Variants in C6 observed in about 807,000 individuals in gnomAD.
The protein encoded by C6 is complement component C6.
C6 carries 101 observed loss-of-function variants against 112.9 expected under a neutral mutation model. That is an observed-to-expected ratio of 0.89 (90% CI 0.76 to 1.06). The LOEUF is 1.06. Ranked by LOEUF, C6 falls within the 50% of genes least tolerant of loss-of-function variation. The probability of loss-of-function intolerance (pLI) is 0.00; values close to 1 mark genes in which losing one functional copy is unlikely to be tolerated. For missense variants in C6, 1,202 were observed against 1,104.6 expected, an observed-to-expected ratio of 1.09 and a Z score of -1.25; for synonymous variants, 431 against 384.1, an observed-to-expected ratio of 1.12 and a Z score of -1.43.
rs180978681 is a variant in C6 at position 41,210,470 on chromosome 5, C to T, written c.-21+2906G>A. Among the ~76,000 whole-genome samples, 140 of 152,090 alleles carry T rather than the reference C, an allele frequency of 9.2e-4. No individual in the cohort carries two copies. The East Asian group carries it at 0.021, about 23-fold the overall frequency. On this transcript the variant is annotated intron_variant, in intron 1 of 17. Coordinates refer to ENST00000337836, the MANE Select transcript of C6 (RefSeq NM_000065.5). ...AGAAAATTTTTGCAATCTACCCATCCGACAAAGGGCTAATATCCAGAATCT... is the reference window on the plus strand; with the variant it reads ...AGAAAATTTTTGCAATCTACCCATCTGACAAAGGGCTAATATCCAGAATCT...
At chr5:41,215,107 A>G (rs944655471), upstream of C6, among the ~76,000 whole-genome samples, 1 of 152,160 alleles carries the variant, frequency 6.6e-6, no homozygotes, top group Non-Finnish European at 1.5e-5. Context: ...TTTCTAGAGC[A>G]GGGATTGGTA....
intron 5 of C6, among the ~76,000 whole-genome samples, chr5:41,190,100 G>A (rs1256903988): frequency 2.0e-5 from 3 of 152,106 alleles, no homozygotes; most frequent in Non-Finnish European, 1.5e-5. Context: ...TCAGTATACC[G>A]ATTTCCTTTG....
At chr5:41,195,000 A>G (rs1013559257) in intron 5 of C6, among the ~76,000 whole-genome samples, 2 of 152,124 alleles carry the variant, frequency 1.3e-5, no homozygotes, top group Admixed American at 6.5e-5. Context: ...TGAAGTCTGG[A>G]TTTGAATCCT....
At chr5:41,200,896 T>G (rs866441779) in intron 3 of C6, among the ~76,000 whole-genome samples, 33 of 32,384 alleles carry the variant, frequency 1.0e-3, no homozygotes, top group Admixed American at 2.7e-3. Context: ...TTGTTGTTTT[T>G]TTTTTTTTTT....
intron 8 of C6, among the ~76,000 whole-genome samples, chr5:41,175,966 C>T (rs962081520): frequency 2.0e-5 from 3 of 152,190 alleles, no homozygotes; most frequent in African/African-American, 7.2e-5. Flanking sequence ...AGCTTAGTCG[C>T]TTGTCAAGTT....
At chr5:41,243,422 T>C (rs1740846733) in intron 1 of C6, among the ~76,000 whole-genome samples, 2 of 152,242 alleles carry the variant, frequency 1.3e-5, no homozygotes, top group Admixed American at 1.3e-4. Flanking sequence ...TTTGTTATGT[T>C]AAAAAATTTT....
At chr5:41,143,520 A>T (rs1007630058) in intron 17 of C6, among the ~76,000 whole-genome samples, 4 of 152,246 alleles carry the variant, frequency 2.6e-5, no homozygotes, top group Admixed American at 1.3e-4. Flanking sequence ...TAGAGCATGT[A>T]CTGTGAAGCC....
chr5:41,245,225 T>A (rs984991151), intron 1 of C6, among the ~76,000 whole-genome samples: 1 of 152,160 alleles, frequency 6.6e-6, no homozygotes, highest in African/African-American at 2.4e-5. Flanking sequence ...CATTGGCATT[T>A]TTTTCTTCCT....
chr5:41,248,948 A>G (rs577252708), intron 1 of C6, among the ~76,000 whole-genome samples: 1 of 152,270 alleles, frequency 6.6e-6, no homozygotes, highest in African/African-American at 2.4e-5. Context: ...ATTGGTATAT[A>G]TACACTGTGG....
At chr5:41,166,142 A>G (rs1195786242) in intron 9 of C6, among the ~76,000 whole-genome samples, 1 of 152,136 alleles carries the variant, frequency 6.6e-6, no homozygotes, top group Non-Finnish European at 1.5e-5. Context: ...AAGTTTTTCA[A>G]TTTAAAGATG....
intron 7 of C6, among the ~76,000 whole-genome samples, chr5:41,178,739 G>A (rs192591259): frequency 7.2e-5 from 11 of 152,122 alleles, no homozygotes; most frequent in Non-Finnish European, 1.2e-4. Flanking sequence ...GTCCTCCAAA[G>A]TTCTGGGATT....
chr5:41,243,230 C>T (rs960258537), intron 1 of C6, among the ~76,000 whole-genome samples: 4 of 152,088 alleles, frequency 2.6e-5, no homozygotes, highest in Non-Finnish European at 5.9e-5. Context: ...TTTAATTATT[C>T]CACATTGTAT....
intron 9 of C6, among the ~76,000 whole-genome samples, chr5:41,171,682 T>A (rs1748434239): frequency 1.3e-5 from 2 of 152,122 alleles, no homozygotes; most frequent in Non-Finnish European, 1.5e-5. Context: ...ATAACTTGTA[T>A]CTTCTTTTTT....
chr5:41,208,314 G>C (rs1208471681), intron 1 of C6, among the ~76,000 whole-genome samples: 6 of 152,120 alleles, frequency 3.9e-5, no homozygotes, highest in Non-Finnish European at 8.8e-5. Flanking sequence ...AAAAGACCTA[G>C]AGAAGCAAGA....
At chr5:41,164,504 G>C (rs1379325656) in intron 9 of C6, among the ~76,000 whole-genome samples, 1 of 152,182 alleles carries the variant, frequency 6.6e-6, no homozygotes, top group African/African-American at 2.4e-5. Context: ...AGAAATGAGA[G>C]AGTCTGGATG....
intron 9 of C6, 88 bp from the exon 10 acceptor site, chr5:41,161,947 A>G: frequency 7.7e-7 from 1 of 1,293,710 alleles, no homozygotes; most frequent in Non-Finnish European, 1.1e-6. Context: ...TTTGTACAGA[A>G]GGGAGAAGTA....
At chr5:41,172,482 A>C in intron 8 of C6, 135 bp from the exon 9 acceptor site, 1 of 848,178 alleles carries the variant, frequency 1.2e-6, no homozygotes, top group Non-Finnish European at 1.9e-6. Flanking sequence ...CCATAATCTT[A>C]AGTGACAGCT....
rs146223243 is a variant in C6 at position 41,201,831 on chromosome 5, T to C, written c.144-117A>G. The C allele has an allele frequency of 7.7e-4, 752 of 982,796 alleles. 8 individuals carry two copies. In the East Asian group the frequency reaches 0.017, roughly 22 times the overall value. The allele number at this position is 982,796 out of a possible 1,614,324, so 60.9% of individuals were successfully genotyped here. On this transcript the variant is annotated intron_variant, in intron 2 of 17. Transcript: ENST00000337836. ...AAATAGAAAAGAAAGAAAATTTTCA[T>C]GGAAAAATTAGGCAGGTTGGCATAT...
rs376513233 is a variant in C6 at position 41,161,678 on chromosome 5, A to C, written c.1458+15T>G. ...CTACTTTAGATCTCTTACCTGGAAT[A>C]ATTTTTACTCTTACCTCAAAGTCAA... On this transcript the variant is annotated intron_variant, in intron 10 of 17. Coordinates refer to ENST00000337836, the MANE Select transcript of C6 (RefSeq NM_000065.5). 4 of 1,609,844 alleles carry C rather than the reference A, an allele frequency of 2.5e-6. No homozygotes were observed. The highest frequency in any genetic ancestry group is 3.3e-5 in the Admixed American group (2 of 59,942).
Sources: allele counts gnomAD v4.1 joint callset (sites outside exome capture counted in the v4.1 genomes callset), GRCh38; gene constraint gnomAD v4.1.1; transcripts MANE v1.5; gene names NCBI Gene and HGNC (gene_info 2026-07-23, HGNC 2026-07-21).